The following BANF2 variants were observed in gnomAD, a reference collection of about 807,000 sequenced individuals.
The protein encoded by BANF2 is barrier-to-autointegration factor-like protein.
BANF2 carries 4 observed loss-of-function variants against 8.0 expected under a neutral mutation model. That is an observed-to-expected ratio of 0.50 (90% confidence interval 0.25 to 1.14). The LOEUF (loss-of-function observed/expected upper bound fraction) is 1.14. Among genes scored for constraint, BANF2 ranks in the 50% most tolerant of loss-of-function variants. BANF2 has a pLI of 0.16. For missense variants in BANF2, 96 were observed against 107.5 expected (o/e 0.89, Z 0.47); for synonymous variants, 50 against 40.6 (o/e 1.23, Z -0.88).
chr20:17,725,799 A>T (rs906124532), intron 3 of BANF2, among the ~76,000 whole-genome samples: 1 of 152,222 alleles, frequency 6.6e-6, no homozygotes, highest in Non-Finnish European at 1.5e-5. Flanking sequence ...AGAACATGGC[A>T]CGCCCGGTCA....
chr20:17,721,992 G>C (rs1338544493), intron 1 of BANF2, among the ~76,000 whole-genome samples: 1 of 152,212 alleles, frequency 6.6e-6, no homozygotes, highest in African/African-American at 2.4e-5. Flanking sequence ...AGAGCCAATA[G>C]TCCTTCCCCC....
At chr20:17,701,838 G>A (rs1305083354) in intron 1 of BANF2, among the ~76,000 whole-genome samples, 2 of 152,208 alleles carry the variant, frequency 1.3e-5, no homozygotes, top group African/African-American at 4.8e-5. Flanking sequence ...GTTAACCTGT[G>A]TTGACTGAAC....
chr20:17,704,426 C>G (rs2037452860), intron 1 of BANF2, among the ~76,000 whole-genome samples: 1 of 152,190 alleles, frequency 6.6e-6, no homozygotes, highest in African/African-American at 2.4e-5. Flanking sequence ...AGAATGCATC[C>G]TATCAGGACT....
Position 17,731,832 on chromosome 20 carries a change from C to T in BANF2, c.127-3833C>T, listed in dbSNP as rs184336475. ...CTGTAATCCCAGCACTTTGGGAGGC[C>T]GAGGCGGGCAGATCACGAGGTCAGG... is the stretch of plus-strand genomic sequence containing the variant. On this transcript the variant is annotated intron_variant, in intron 3 of 3. Transcript: ENST00000246090. Among the ~76,000 whole-genome samples the T allele has an allele frequency of 1.5e-3, 225 of 148,340 alleles. 4 individuals are homozygous for T. Among genetic ancestry groups the T allele is most frequent in the African/African-American group, 5.2e-3 (211 of 40,222 alleles).
intron 3 of BANF2, among the ~76,000 whole-genome samples, chr20:17,732,090 C>G (rs6080807): frequency 0.31 from 46,620 of 151,622 alleles, 7,409 homozygotes; most frequent in East Asian, 0.47. Flanking sequence ...AAAAGGAAAA[C>G]TAATAAAAAA....
chr20:17,707,792 C>T (rs542089459), intron 1 of BANF2, among the ~76,000 whole-genome samples: 1 of 151,978 alleles, frequency 6.6e-6, no homozygotes, highest in South Asian at 2.1e-4. Flanking sequence ...GTTACTCAGG[C>T]TGGTCTCGAA....
chr20:17,722,810 C>T lies in BANF2; in HGVS notation c.-72C>T. ...CATCTCTTCCGGGAGAGTTCAGTGT[C>T]TTCTGAAATGTTACAAAACGTCCTT... On this transcript the variant is annotated 5_prime_UTR_variant, in exon 2 of 4. Coordinates refer to ENST00000246090, the MANE Select transcript of BANF2 (RefSeq NM_178477.5). 1.0e-6 allele frequency: 1 copy of T among 985,012 alleles called. No homozygotes were observed. Among genetic ancestry groups the T allele is most frequent in the Non-Finnish European group, 1.2e-6 (1 of 829,600 alleles). The allele number at this position is 985,012 out of a possible 1,614,324, so 61.0% of individuals were successfully genotyped here.
chr20:17,735,003 C>T (rs747837423), intron 3 of BANF2, among the ~76,000 whole-genome samples: 1 of 152,170 alleles, frequency 6.6e-6, no homozygotes, highest in Non-Finnish European at 1.5e-5. Context: ...AGGAGAATCG[C>T]TTGAGGCGGA....
chr20:17,714,548 C>G (rs2037624176), intron 1 of BANF2, among the ~76,000 whole-genome samples: 1 of 152,234 alleles, frequency 6.6e-6, no homozygotes, highest in Admixed American at 6.5e-5. Context: ...GCTGCACAAG[C>G]TGGGAGACAA....
At chr20:17,708,827 C>T (rs146105672) in intron 1 of BANF2, among the ~76,000 whole-genome samples, 44 of 152,256 alleles carry the variant, frequency 2.9e-4, no homozygotes, top group African/African-American at 5.3e-4. Context: ...TTAGTAGAGG[C>T]GGAACACCAC....
upstream of BANF2, among the ~76,000 whole-genome samples, chr20:17,696,859 G>A (rs2037350119): frequency 6.6e-6 from 1 of 152,122 alleles, no homozygotes; most frequent in Non-Finnish European, 1.5e-5. Context: ...TGTCTGATTG[G>A]AAGAATGGGA....
intron 1 of BANF2, among the ~76,000 whole-genome samples, chr20:17,708,598 T>A (rs1008523982): frequency 3.3e-5 from 5 of 152,232 alleles, no homozygotes; most frequent in African/African-American, 1.2e-4. Context: ...CCTCAGTGGA[T>A]GTCCAATGTT....
upstream of BANF2, among the ~76,000 whole-genome samples, chr20:17,699,139 A>G (rs561010097): frequency 3.6e-4 from 55 of 152,286 alleles, no homozygotes; most frequent in African/African-American, 1.3e-3. Context: ...TTTAAGACCC[A>G]CTGTTTTGGA....
At chr20:17,699,263 A>G (rs1223218328), upstream of BANF2, among the ~76,000 whole-genome samples, 16 of 152,230 alleles carry the variant, frequency 1.1e-4, no homozygotes, top group Non-Finnish European at 2.9e-5. Flanking sequence ...GAATCTCTGG[A>G]AACATTTTAT....
chr20:17,694,593 T>C (rs1176019294), intron 1 of BANF2, among the ~76,000 whole-genome samples: 12 of 92,178 alleles, frequency 1.3e-4, no homozygotes, highest in Non-Finnish European at 2.1e-4. Context: ...TTTTTGTTTT[T>C]TCTCTCTCTT....
At chr20:17,728,013 C>A (rs180679806) in intron 3 of BANF2, among the ~76,000 whole-genome samples, 7 of 152,310 alleles carry the variant, frequency 4.6e-5, no homozygotes, top group African/African-American at 1.7e-4. Flanking sequence ...AGGCATGAGC[C>A]ACCACACCCA....
At chr20:17,720,521 T>C (rs1009588874) in intron 1 of BANF2, among the ~76,000 whole-genome samples, 1 of 152,212 alleles carries the variant, frequency 6.6e-6, no homozygotes, top group Non-Finnish European at 1.5e-5. Context: ...TAAAATTTTT[T>C]TCTTTTTAGA....
exon 1 of BANF2, chr20:17,693,683 C>T (rs777142026): frequency 3.9e-5 from 61 of 1,551,444 alleles, no homozygotes; most frequent in Non-Finnish European, 5.1e-5. Context: ...AGCAACCCTG[C>T]GCTGAATGCT....
At chr20:17,721,368 T>C (rs1600223690) in intron 1 of BANF2, among the ~76,000 whole-genome samples, 1 of 129,274 alleles carries the variant, frequency 7.7e-6, no homozygotes, top group Non-Finnish European at 1.6e-5. Context: ...CATTTGGAAA[T>C]TTTTTTTCTT....
Sources: allele counts gnomAD v4.1 joint callset (sites outside exome capture counted in the v4.1 genomes callset), GRCh38; gene constraint gnomAD v4.1.1; transcripts MANE v1.5; gene names NCBI Gene and HGNC (gene_info 2026-07-23, HGNC 2026-07-21).